The following MID1 variants were observed in gnomAD, a reference collection of about 807,000 sequenced individuals.
The protein encoded by MID1 is E3 ubiquitin-protein ligase Midline-1.
Under a neutral mutation model 40.4 loss-of-function variants are expected in MID1, and 7 were observed. That is an observed-to-expected ratio of 0.17 (90% confidence interval 0.10 to 0.33). The LOEUF (loss-of-function observed/expected upper bound fraction) is 0.33. Ranked by LOEUF, MID1 falls within the 10% of genes least tolerant of loss-of-function variation. MID1 has a pLI of 1.00. For synonymous variants in MID1, 229 were observed against 221.2 expected, an observed-to-expected ratio of 1.04 and a Z score of -0.31; for missense variants, 367 against 558.5, an observed-to-expected ratio of 0.66 and a Z score of 3.46.
intron 1 of MID1, among the ~76,000 whole-genome samples, chrX:10,787,021 G>A (rs1018022524): frequency 9.0e-6 from 1 of 110,670 alleles, no homozygotes; most frequent in African/African-American, 3.3e-5. Context: ...AGCTCCCAGA[G>A]TCCACACAAC....
At chrX:10,766,910 A>G (rs780888703) in intron 1 of MID1, among the ~76,000 whole-genome samples, 4 of 88,266 alleles carry the variant, frequency 4.5e-5, no homozygotes, top group African/African-American at 2.9e-4. Context: ...CCCTGCCTCA[A>G]AAAAAAAAAA....
intron 3 of MID1, chrX:10,501,368 C>T (rs1425675478): frequency 4.5e-6 from 5 of 1,119,701 alleles, no homozygotes; most frequent in Non-Finnish European, 5.9e-6. Flanking sequence ...ACTTTCACCT[C>T]ATCTCATTTT....
At chrX:10,772,979 G>T (rs1224701528) in intron 1 of MID1, among the ~76,000 whole-genome samples, 1 of 110,928 alleles carries the variant, frequency 9.0e-6, no homozygotes, top group Non-Finnish European at 1.9e-5. Flanking sequence ...CTATAAGTAT[G>T]AAATTGGACT....
At chrX:10,469,289 C>T in intron 7 of MID1, 2 of 869,123 alleles carry the variant, frequency 2.3e-6, no homozygotes, top group East Asian at 1.0e-4. Context: ...CACCAGGTTG[C>T]CCAGGGTTTA....
chrX:10,769,380 G>C (rs1463568517), intron 1 of MID1, among the ~76,000 whole-genome samples: 2 of 111,161 alleles, frequency 1.8e-5, no homozygotes, highest in Non-Finnish European at 3.8e-5. Flanking sequence ...TTACTAATAC[G>C]TGTTATTCAA....
At chrX:10,762,772 A>G (rs1262719892) in intron 1 of MID1, among the ~76,000 whole-genome samples, 1 of 111,507 alleles carries the variant, frequency 9.0e-6, no homozygotes, top group Non-Finnish European at 1.9e-5. Flanking sequence ...AATCAAGCAG[A>G]GCAGATCACT....
intron 1 of MID1, among the ~76,000 whole-genome samples, chrX:10,679,827 G>A (rs2043047486): frequency 8.9e-6 from 1 of 112,066 alleles, no homozygotes. Flanking sequence ...ACAAAGTGAT[G>A]AAGGTAATGC....
chrX:10,744,503 C>G (rs1257859144), intron 1 of MID1, among the ~76,000 whole-genome samples: 2 of 111,261 alleles, frequency 1.8e-5, no homozygotes, highest in East Asian at 5.7e-4. Context: ...AGTGAGCTAA[C>G]TAGCCCCCAA....
At chrX:10,818,074 G>A (rs938064028) in intron 1 of MID1, among the ~76,000 whole-genome samples, 2 of 111,913 alleles carry the variant, frequency 1.8e-5, no homozygotes, top group South Asian at 7.4e-4. Flanking sequence ...TTGCTCTATC[G>A]AAATAACATC....
chrX:10,577,642 G>A (rs1368114084), intron 1 of MID1, among the ~76,000 whole-genome samples: 1 of 98,100 alleles, frequency 1.0e-5, no homozygotes, highest in Non-Finnish European at 1.9e-5. Flanking sequence ...TAAAAACATC[G>A]TGTGTGTATA....
intron 1 of MID1, among the ~76,000 whole-genome samples, chrX:10,680,050 T>TG (rs761624899): frequency 8.0e-5 from 9 of 112,217 alleles, no homozygotes; most frequent in African/African-American, 2.9e-4. Context: ...CCTTAAAACT[T>TG]GCATCTACAT....
At chrX:10,832,859 T>C (rs1438707020) in intron 1 of MID1, among the ~76,000 whole-genome samples, 1 of 112,356 alleles carries the variant, frequency 8.9e-6, no homozygotes, top group Non-Finnish European at 1.9e-5. Flanking sequence ...ATTGAGATTT[T>C]TGTACACATA....
intron 1 of MID1, among the ~76,000 whole-genome samples, chrX:10,812,273 G>A (rs1393035778): frequency 9.0e-6 from 1 of 111,308 alleles, no homozygotes; most frequent in Admixed American, 9.6e-5. Flanking sequence ...AACTTGGGTG[G>A]TCACACAGAA....
intron 1 of MID1, among the ~76,000 whole-genome samples, chrX:10,751,623 A>T (rs1291838052): frequency 8.9e-6 from 1 of 111,736 alleles, no homozygotes; most frequent in African/African-American, 3.3e-5. Flanking sequence ...AGAGGAGGAG[A>T]CCTTGTCAAC....
intron 3 of MID1, chrX:10,505,534 CT>C: frequency 1.3e-6 from 1 of 753,429 alleles, no homozygotes; most frequent in Non-Finnish European, 1.6e-6. Flanking sequence ...TCTACTTAAC[CT>C]GCCATGGGTG....
intron 1 of MID1, among the ~76,000 whole-genome samples, chrX:10,700,392 G>T (rs991774084): frequency 3.6e-5 from 4 of 109,742 alleles, no homozygotes; most frequent in Admixed American, 9.8e-5. Flanking sequence ...TCTCTACAAA[G>T]AATACAAAAA....
rs1928215897 is a variant in MID1 at position 10,449,806 on chromosome X, A to G, written c.1656-90T>C. The G allele has an allele frequency of 5.9e-6, 4 of 677,183 alleles. No homozygotes were observed. In the East Asian group the frequency reaches 1.4e-4, roughly 23 times the overall value. The allele number at this position is 677,183 out of a possible 1,213,427, so 55.8% of individuals were successfully genotyped here. A position where few individuals can be genotyped will look rare whatever the true frequency, so the allele number is the denominator to read the frequency against. On this transcript the variant is annotated intron_variant, in intron 9 of 9. Coordinates refer to ENST00000317552, the MANE Select transcript of MID1 (RefSeq NM_000381.4). ...TCTGTGGTCCTCAGGGGTTATAAAA[A>G]CATGATCATTTGTTGTCCCTGTTCA...
At chrX:10,656,409 TGTAC>T (rs2042872921) in intron 1 of MID1, among the ~76,000 whole-genome samples, 2 of 112,025 alleles carry the variant, frequency 1.8e-5, no homozygotes, top group Non-Finnish European at 3.8e-5. Context: ...GCCAAGGGTC[TGTAC>T]TGCCACTTCC....
chrX:10,654,796 AG>A (rs113437710), intron 1 of MID1, among the ~76,000 whole-genome samples: 3 of 112,265 alleles, frequency 2.7e-5, no homozygotes, highest in African/African-American at 9.7e-5. Flanking sequence ...AAAAACCCAC[AG>A]TGCAGTGGGG....
Sources: gnomAD v4.1 joint callset for allele counts (sites outside exome capture counted in the v4.1 genomes callset) on GRCh38, gnomAD v4.1.1 for gene constraint, MANE v1.5 for transcripts, NCBI Gene and HGNC (gene_info 2026-07-23, HGNC 2026-07-21) for gene names.